The following TTF2 variants were observed in gnomAD, a reference collection of about 807,000 sequenced individuals.
The protein encoded by TTF2 is transcription termination factor 2.
TTF2 carries 108 observed loss-of-function variants against 142.4 expected under a neutral mutation model. The ratio of observed to expected loss-of-function variants is 0.76; its 90% confidence interval spans 0.65 to 0.89. The LOEUF (loss-of-function observed/expected upper bound fraction) is 0.89. Among genes scored for constraint, TTF2 ranks in the 40% least tolerant of loss-of-function variants. The probability of loss-of-function intolerance (pLI) is 0.00; values close to 1 mark genes in which losing one functional copy is unlikely to be tolerated. For synonymous variants in TTF2, 483 were observed against 506.2 expected, an observed-to-expected ratio of 0.95 and a Z score of 0.61; for missense variants, 1,327 against 1,379.8, an observed-to-expected ratio of 0.96 and a Z score of 0.61.
At chr1:117,098,945 CTTGTACT>C (rs746301205) in intron 22 of TTF2, 38 bp downstream of exon 22, 77 of 1,554,862 alleles carry the variant, frequency 5.0e-5, no homozygotes, top group South Asian at 1.3e-4. Flanking sequence ...CCCTTCTCAA[CTTGTACT>C]TTGTGAAAGT....
chr1:117,068,550 A>G (rs898234033), intron 3 of TTF2, among the ~76,000 whole-genome samples: 5 of 152,194 alleles, frequency 3.3e-5, no homozygotes. Flanking sequence ...TAATAAAAAA[A>G]AAAAAAAGAA....
Position 117,105,203 on chromosome 1 carries a change from A to C in TTF2, c.*3679A>C, listed in dbSNP as rs1429599242. On this transcript the variant is annotated 3_prime_UTR_variant, in exon 23 of 23. Coordinates refer to ENST00000369466, the MANE Select transcript of TTF2 (RefSeq NM_003594.4). The surrounding 1 kb of genome is among the most constrained non-coding windows in gnomAD (Gnocchi z 4.7). ...TGGGACAAGGTCTGGGAATATGAGA[A>C]CCAGCAGCAGCATGGGTGCAGCTGA... 1 of 152,194 alleles carries C rather than the reference A, an allele frequency of 6.6e-6. No homozygotes were observed. Among genetic ancestry groups the C allele is most frequent in the Non-Finnish European group, 1.5e-5 (1 of 68,030 alleles). The allele number at this position is 152,194 out of a possible 1,614,324, so 9.4% of individuals were successfully genotyped here.
At chr1:117,082,385 T>G (rs1647601210) in intron 10 of TTF2, among the ~76,000 whole-genome samples, 1 of 152,242 alleles carries the variant, frequency 6.6e-6, no homozygotes, top group Admixed American at 6.5e-5. Context: ...GCTAATTTTT[T>G]AATTTTTTTG....
rs916108285 is a variant in TTF2, at chr1:117,097,408, C to T, written c.3244C>T (p.His1082Tyr). 4 of 1,613,982 alleles carry T rather than the reference C, an allele frequency of 2.5e-6. No individual in the cohort carries two copies. Among genetic ancestry groups the T allele is most frequent in the African/African-American group, 2.7e-5 (2 of 74,886 alleles). The change falls in exon 21 of 23, where the codon CAC (histidine) becomes TAC (tyrosine). Residue 1082 changes from histidine (H) to tyrosine (Y), a missense_variant. His to Tyr is a moderately conservative substitution (Grantham distance 83). Coordinates refer to ENST00000369466, the MANE Select transcript of TTF2 (RefSeq NM_003594.4). This position sits in a 1 kb window ranked among gnomAD's most constrained non-coding sequence, Gnocchi z 4.1. ...TGGTCTAAACCTGACTGGAGGAAAT[C>T]ACCTCTTTCTTTTGGACATGCACTG... ...GVGLNLTGGNHLFLLDMHWNP... is the reference protein window; with the variant it reads ...GVGLNLTGGNYLFLLDMHWNP...
chr1:117,062,541 G>C, intron 3 of TTF2, 68 bp downstream of exon 3: 2 of 1,451,642 alleles, frequency 1.4e-6, no homozygotes, highest in South Asian at 2.5e-5. Context: ...AAGAGTTGTA[G>C]CCAGGTATGT....
rs555789212 is a variant in TTF2 at position 117,086,399 on chromosome 1, T to A, written c.2055-18T>A. On this transcript the variant is annotated intron_variant, in intron 11 of 22. Transcript: ENST00000369466. The surrounding 1 kb of genome is among the most constrained non-coding windows in gnomAD (Gnocchi z 4.2). ...TATAGTGGGACCATTTATTGATTTC[T>A]TTGTTATGTCTACGCAGCCTCTCTA... is the stretch of plus-strand genomic sequence containing the variant. 10 of 1,586,948 alleles carry A rather than the reference T, an allele frequency of 6.3e-6. No individual in the cohort carries two copies. The South Asian group carries it at 1.1e-4, about 18-fold the overall frequency.
intron 2 of TTF2, 37 bp downstream of exon 2, chr1:117,060,594 C>G (rs772575715): frequency 4.5e-6 from 7 of 1,551,490 alleles, no homozygotes; most frequent in Non-Finnish European, 5.2e-6. Context: ...CTGTGGCTGC[C>G]CGGGGCCTCC....
In TTF2 at chr1:117,104,730, G is replaced by A. The variant is rs537105712; in HGVS notation, c.*3206G>A. 1 of 152,278 alleles carries A rather than the reference G, an allele frequency of 6.6e-6. No homozygotes were observed. Among genetic ancestry groups the A allele is most frequent in the African/African-American group, 2.4e-5 (1 of 41,556 alleles). The allele number at this position is 152,278 out of a possible 1,614,324, so 9.4% of individuals were successfully genotyped here. A position where few individuals can be genotyped will look rare whatever the true frequency, so the allele number is the denominator to read the frequency against. Reference sequence around the variant, plus strand: ...CATTCTTAAATCCTAGTGCTGGGATGGATTACATGAATTACATTGTGGAGC... The same window carrying A: ...CATTCTTAAATCCTAGTGCTGGGATAGATTACATGAATTACATTGTGGAGC... On this transcript the variant is annotated 3_prime_UTR_variant, in exon 23 of 23. Coordinates refer to ENST00000369466, the MANE Select transcript of TTF2 (RefSeq NM_003594.4).
intron 3 of TTF2, among the ~76,000 whole-genome samples, chr1:117,067,814 C>T (rs1454860389): frequency 2.0e-5 from 3 of 152,174 alleles, no homozygotes; most frequent in Non-Finnish European, 4.4e-5. Context: ...TTTACATCCT[C>T]TAATTAATAC....
chr1:117,098,490 A>C (rs1436087560), intron 21 of TTF2: 2 of 165,846 alleles, frequency 1.2e-5, no homozygotes, highest in African/African-American at 4.8e-5. Flanking sequence ...AAGAGTTGTC[A>C]ACTGATGATA....
In TTF2 at chr1:117,081,918, G is replaced by A. The variant is rs1230247672; in HGVS notation, c.1874G>A (p.Ser625Asn). The change falls in exon 10 of 23, where the codon AGC (serine) becomes AAC (asparagine). Residue 625 changes from serine to asparagine, a missense_variant. Physicochemically the swap from Ser to Asn is conservative, Grantham distance 46. Coordinates refer to ENST00000369466, the MANE Select transcript of TTF2 (RefSeq NM_003594.4). ...NQEKKEEKEK[S>N]TALTWLSKDD... ...GAGAAAAAGGAAGAAAAGGAGAAAAGCACAGCTTTGACGTGGCTCTCCAAA... is the reference window on the plus strand; with the variant it reads ...GAGAAAAAGGAAGAAAAGGAGAAAAACACAGCTTTGACGTGGCTCTCCAAA... 3.1e-6 allele frequency: 5 copies of A among 1,614,082 alleles called. No homozygotes were observed. The highest frequency in any genetic ancestry group is 4.2e-6 in the Non-Finnish European group (5 of 1,180,024).
chr1:117,065,298 G>T (rs1049483262), intron 3 of TTF2, among the ~76,000 whole-genome samples: 14 of 152,190 alleles, frequency 9.2e-5, no homozygotes, highest in African/African-American at 3.1e-4. Context: ...ATCCATGAAT[G>T]TAGTGCATTT....
Position 117,089,128 on chromosome 1 carries a change from A to AT in TTF2, c.2342+147dup, listed in dbSNP as rs1648311507. The AT allele has an allele frequency of 1.1e-5, 9 of 809,282 alleles. No homozygotes were observed. In the South Asian group the frequency reaches 2.4e-4, roughly 22 times the overall value. 50.1% of individuals were successfully genotyped at this position (809,282 alleles called of 1,614,324 possible). A position where few individuals can be genotyped will look rare whatever the true frequency, so the allele number is the denominator to read the frequency against. ...CTGTCAACCTTTAAAGGACAAAAGA[A>AT]TAAATATTTATGAGAAAATAGCTGT... On this transcript the variant is annotated intron_variant, in intron 13 of 22. Transcript: ENST00000369466.
At chr1:117,072,639 G>T (rs1351690993) in intron 3 of TTF2, among the ~76,000 whole-genome samples, 2 of 151,954 alleles carry the variant, frequency 1.3e-5, no homozygotes, top group African/African-American at 4.8e-5. Flanking sequence ...TGGCCAGGAT[G>T]GTCTCGATCT....
rs1347212763 is a variant in TTF2, at chr1:117,106,224, T to C, written c.*4700T>C. On this transcript the variant is annotated 3_prime_UTR_variant, in exon 23 of 23. Coordinates refer to ENST00000369466, the MANE Select transcript of TTF2 (RefSeq NM_003594.4). ...CTACAAATGAAATCAGGGTCATTTA[T>C]AGTACAAACTACCACAGAAGTCAGT... 1 of 150,484 alleles carries C rather than the reference T, an allele frequency of 6.6e-6. No individual in the cohort carries two copies. Among genetic ancestry groups the C allele is most frequent in the Non-Finnish European group, 1.5e-5 (1 of 67,862 alleles). The allele number at this position is 150,484 out of a possible 1,614,324, so 9.3% of individuals were successfully genotyped here.
Position 117,090,460 on chromosome 1 carries a change from A to G in TTF2, c.2497-72A>G, listed in dbSNP as rs931900918. 11 of 1,413,928 alleles carry G rather than the reference A, an allele frequency of 7.8e-6. No individual in the cohort carries two copies. The highest frequency in any genetic ancestry group is 8.9e-6 in the Non-Finnish European group (9 of 1,010,576). The allele number at this position is 1,413,928 out of a possible 1,614,324, so 87.6% of individuals were successfully genotyped here. On this transcript the variant is annotated intron_variant, in intron 14 of 22. Coordinates refer to ENST00000369466, the MANE Select transcript of TTF2 (RefSeq NM_003594.4). This position sits in a 1 kb window ranked among gnomAD's most constrained non-coding sequence, Gnocchi z 4.8. ...GGTTGACTAGATATGCAGTGTCAGT[A>G]TGGGGAATTTGTTCTATAATAGGCA...
chr1:117,101,618 T>C lies in TTF2; in HGVS notation c.*94T>C, dbSNP rs1649590826. 7.6e-7 allele frequency: 1 copy of C among 1,311,422 alleles called. No homozygotes were observed. Among genetic ancestry groups the C allele is most frequent in the African/African-American group, 1.5e-5 (1 of 66,690 alleles). The allele number at this position is 1,311,422 out of a possible 1,614,324, so 81.2% of individuals were successfully genotyped here. A position where few individuals can be genotyped will look rare whatever the true frequency, so the allele number is the denominator to read the frequency against. ...AACCATGAGCCTTGAACTCTGTTCT[T>C]TGCATTTCAATTTCACCGTCAAGCC... On this transcript the variant is annotated 3_prime_UTR_variant, in exon 23 of 23. Transcript: ENST00000369466. This position sits in a 1 kb window ranked among gnomAD's most constrained non-coding sequence, Gnocchi z 5.9.
intron 2 of TTF2, 73 bp downstream of exon 2, chr1:117,060,630 G>C: frequency 6.8e-7 from 1 of 1,472,292 alleles, no homozygotes. Flanking sequence ...GCTCCCCGCT[G>C]TCGGGCGTCA....
At chr1:117,074,054 T>C (rs530074421) in intron 4 of TTF2, among the ~76,000 whole-genome samples, 1 of 152,340 alleles carries the variant, frequency 6.6e-6, no homozygotes, top group Non-Finnish European at 1.5e-5. Flanking sequence ...TTCTACTTGA[T>C]ACTGGTATAA....
Sources: allele counts gnomAD v4.1 joint callset (sites outside exome capture counted in the v4.1 genomes callset), GRCh38; gene constraint gnomAD v4.1.1; non-coding constraint Gnocchi (gnomAD v3.1); transcripts MANE v1.5; gene names NCBI Gene and HGNC (gene_info 2026-07-23, HGNC 2026-07-21).